AGPAT5: variants seen among roughly 807,000 people sequenced by gnomAD.
The protein encoded by AGPAT5 is 1-acylglycerol-3-phosphate O-acyltransferase 5, also known as 1-acyl-sn-glycerol-3-phosphate acyltransferase epsilon.
A neutral mutation model predicts 45.6 loss-of-function variants in AGPAT5; 46 were observed. That is an observed-to-expected ratio of 1.01 (90% CI 0.80 to 1.29). The LOEUF (loss-of-function observed/expected upper bound fraction) is 1.29. Ranked by LOEUF, AGPAT5 falls within the 50% of genes most tolerant of loss-of-function variation. The pLI is 0.00. For synonymous variants in AGPAT5, 272 were observed against 167.0 expected (o/e 1.63, Z -4.85); for missense variants, 673 against 450.7 (o/e 1.49, Z -4.47).
chr8:6,732,388 A>G (rs756322572), intron 3 of AGPAT5, among the ~76,000 whole-genome samples, 173 bp from the exon 4 acceptor site: 9 of 152,210 alleles, frequency 5.9e-5, no homozygotes, highest in Non-Finnish European at 7.3e-5. Context: ...AGACAAGGCA[A>G]TTTTCAGCTA....
rs375958443 is a variant in AGPAT5, at chr8:6,727,532, C to T, written c.289+2593C>T. Among the ~76,000 whole-genome samples, 8 of 152,246 alleles carry T rather than the reference C, an allele frequency of 5.3e-5. 1 individual carries two copies. Among genetic ancestry groups the T allele is most frequent in the African/African-American group, 9.6e-5 (4 of 41,540 alleles). Reference sequence around the variant, plus strand: ...GAGTAGCTGGGATTACAGACATGCACCACCACGCCTGGCTAATTTTGTATT... The same window carrying T: ...GAGTAGCTGGGATTACAGACATGCATCACCACGCCTGGCTAATTTTGTATT... On this transcript the variant is annotated intron_variant, in intron 2 of 7. Coordinates refer to ENST00000285518, the MANE Select transcript of AGPAT5 (RefSeq NM_018361.5).
chr8:6,712,478 G>A (rs1483567882), intron 1 of AGPAT5, among the ~76,000 whole-genome samples: 1 of 152,040 alleles, frequency 6.6e-6, no homozygotes, highest in Non-Finnish European at 1.5e-5. Flanking sequence ...CTGGTGTTTG[G>A]TTTGTTTGCC....
chr8:6,756,106 T>C (rs576125706), intron 7 of AGPAT5, among the ~76,000 whole-genome samples: 7 of 152,346 alleles, frequency 4.6e-5, no homozygotes, highest in Non-Finnish European at 1.0e-4. Context: ...CGCTTTCCCT[T>C]TCTGTTTGTG....
At chr8:6,749,669 T>C (rs1379569824) in intron 6 of AGPAT5, among the ~76,000 whole-genome samples, 2 of 152,230 alleles carry the variant, frequency 1.3e-5, no homozygotes, top group South Asian at 2.1e-4. Context: ...TTTTAAACTA[T>C]CGAAGGAGTT....
chr8:6,747,057 A>G (rs569901490), intron 5 of AGPAT5, among the ~76,000 whole-genome samples: 1 of 152,382 alleles, frequency 6.6e-6, no homozygotes, highest in Admixed American at 6.5e-5. Flanking sequence ...TGCAGCCTTC[A>G]TATGCAATTC....
intron 1 of AGPAT5, chr8:6,709,635 A>G (rs896416344): frequency 2.0e-5 from 3 of 151,706 alleles, no homozygotes; most frequent in African/African-American, 4.8e-5. Context: ...GGTTATTCCT[A>G]ATGTCCACCT....
intron 4 of AGPAT5, among the ~76,000 whole-genome samples, chr8:6,738,038 A>G (rs759174527): frequency 2.9e-4 from 44 of 152,192 alleles, no homozygotes; most frequent in Non-Finnish European, 5.0e-4. Flanking sequence ...CTTTCTCCAT[A>G]TCAGCAATAA....
intron 6 of AGPAT5, among the ~76,000 whole-genome samples, chr8:6,752,849 CT>C (rs1257505845): frequency 6.6e-6 from 1 of 152,102 alleles, no homozygotes; most frequent in Non-Finnish European, 1.5e-5. Context: ...CACTTATTTC[CT>C]CCCTTCAGTG....
At chr8:6,748,480 A>G (rs1437801835) in intron 6 of AGPAT5, among the ~76,000 whole-genome samples, 1 of 152,072 alleles carries the variant, frequency 6.6e-6, no homozygotes, top group Non-Finnish European at 1.5e-5. Flanking sequence ...GAGAGAGAAC[A>G]CTAGGCTTCA....
chr8:6,749,107 A>G (rs1195581837), intron 6 of AGPAT5, among the ~76,000 whole-genome samples: 1 of 152,264 alleles, frequency 6.6e-6, no homozygotes, highest in Non-Finnish European at 1.5e-5. Flanking sequence ...TCTGTGTGTC[A>G]TCTTTGGATG....
chr8:6,747,983 G>A (rs776626621), intron 6 of AGPAT5, among the ~76,000 whole-genome samples, 155 bp downstream of exon 6: 33 of 152,166 alleles, frequency 2.2e-4, no homozygotes, highest in Non-Finnish European at 3.2e-4. Context: ...ATGTAACAGT[G>A]GAGATTTCAT....
chr8:6,757,429 C>G lies in AGPAT5; in HGVS notation c.*41C>G. 6.5e-7 allele frequency: 1 copy of G among 1,533,458 alleles called. No homozygotes were observed. The highest frequency in any genetic ancestry group is 2.3e-5 in the East Asian group (1 of 44,276). 95.0% of individuals were successfully genotyped at this position (1,533,458 alleles called of 1,614,324 possible). Reference sequence around the variant, plus strand: ...CAGACAGTGGGATGTGCTACATTGTCTATTTTTGGCGGCTGCACATGACAT... The same window carrying G: ...CAGACAGTGGGATGTGCTACATTGTGTATTTTTGGCGGCTGCACATGACAT... On this transcript the variant is annotated 3_prime_UTR_variant, in exon 8 of 8. Transcript: ENST00000285518.
intron 6 of AGPAT5, 122 bp downstream of exon 6, chr8:6,747,950 A>G (rs1801531866): frequency 3.0e-6 from 3 of 1,007,268 alleles, no homozygotes; most frequent in Non-Finnish European, 4.2e-6. Flanking sequence ...TTTACCCGGT[A>G]TATTTTTCAA....
At chr8:6,737,140 G>C (rs892958147) in intron 4 of AGPAT5, among the ~76,000 whole-genome samples, 1 of 152,174 alleles carries the variant, frequency 6.6e-6, no homozygotes, top group Non-Finnish European at 1.5e-5. Flanking sequence ...TATGTTCCTA[G>C]CGCAGTGTGG....
At chr8:6,736,252 A>G (rs1801050727) in intron 4 of AGPAT5, among the ~76,000 whole-genome samples, 1 of 152,228 alleles carries the variant, frequency 6.6e-6, no homozygotes, top group Admixed American at 6.5e-5. Context: ...TATTAATTGT[A>G]CTACAGATTT....
At chr8:6,714,645 C>G (rs1210868315) in intron 1 of AGPAT5, among the ~76,000 whole-genome samples, 2 of 152,214 alleles carry the variant, frequency 1.3e-5, no homozygotes, top group Non-Finnish European at 2.9e-5. Flanking sequence ...TACACCTTTC[C>G]TAGGTACATC....
At position 6,730,870 on chromosome 8, in the gene AGPAT5, A is replaced by ATT. The variant is rs772720916; in HGVS notation, c.405+44_405+45insTT. 311 of 1,242,830 alleles carry ATT rather than the reference A, an allele frequency of 2.5e-4. 1 individual carries two copies. Among genetic ancestry groups the ATT allele is most frequent in the South Asian group, 3.6e-4 (25 of 69,490 alleles). The allele number at this position is 1,242,830 out of a possible 1,614,324, so 77.0% of individuals were successfully genotyped here. ...TTTCTCTCTATATATGTAGTTTATA[A>ATT]ATTTTTTTTTTTTTTTTTGGAGACA... On this transcript the variant is annotated intron_variant, in intron 3 of 7. Transcript: ENST00000285518.
intron 6 of AGPAT5, among the ~76,000 whole-genome samples, chr8:6,751,017 GA>G (rs775357940): frequency 1.6e-4 from 24 of 152,108 alleles, no homozygotes; most frequent in African/African-American, 5.1e-4. Flanking sequence ...CCTGTAGCTT[GA>G]AAAAACTCTG....
chr8:6,746,902 C>G (rs1394557615), intron 5 of AGPAT5, among the ~76,000 whole-genome samples: 4 of 152,194 alleles, frequency 2.6e-5, no homozygotes, highest in African/African-American at 7.2e-5. Flanking sequence ...GAGAGAAGAA[C>G]AAATCCTTAA....
Sources: allele counts gnomAD v4.1 joint callset (sites outside exome capture counted in the v4.1 genomes callset), GRCh38; gene constraint gnomAD v4.1.1; transcripts MANE v1.5; gene names NCBI Gene and HGNC (gene_info 2026-07-23, HGNC 2026-07-21).